Variants in DIAPH3 observed in about 807,000 individuals in gnomAD.
The protein encoded by DIAPH3 is protein diaphanous homolog 3.
Under a neutral mutation model 144.3 loss-of-function variants are expected in DIAPH3, and 117 were observed. The observed-to-expected ratio is 0.81, with a 90% confidence interval of 0.70 to 0.95. DIAPH3 has a LOEUF of 0.95. Ranked by LOEUF, DIAPH3 falls within the 40% of genes least tolerant of loss-of-function variation. The pLI is 0.00. For synonymous variants in DIAPH3, 519 were observed against 488.9 expected, an observed-to-expected ratio of 1.06 and a Z score of -0.81; for missense variants, 1,421 against 1,412.7, an observed-to-expected ratio of 1.01 and a Z score of -0.09.
intron 4 of DIAPH3, among the ~76,000 whole-genome samples, chr13:60,090,194 C>T (rs1164377771): frequency 2.6e-5 from 4 of 152,116 alleles, no homozygotes; most frequent in East Asian, 3.8e-4. Context: ...ACCTGGATCA[C>T]GTTCCCATGC....
Position 59,891,262 on chromosome 13 carries a change from C to A in DIAPH3, c.2368-11794G>T, listed in dbSNP as rs139433059. On this transcript the variant is annotated intron_variant, in intron 20 of 27. Coordinates refer to ENST00000400324, the MANE Select transcript of DIAPH3 (RefSeq NM_001042517.2). ...CCTTTTTGCTTATAACTACAAAATG[C>A]TTTAGGCTGTATTTCAAATGAATGA... 2.3e-3 allele frequency among the ~76,000 whole-genome samples: 355 copies of A among 152,036 alleles called. 5 individuals are homozygous for A. Among genetic ancestry groups the A allele is most frequent in the Non-Finnish European group, 3.5e-3 (241 of 67,932 alleles).
intron 27 of DIAPH3, among the ~76,000 whole-genome samples, chr13:59,763,268 A>G (rs1779273520): frequency 6.7e-6 from 1 of 150,086 alleles, no homozygotes; most frequent in Non-Finnish European, 1.5e-5. Flanking sequence ...ATACATATGT[A>G]CACATATATA....
At chr13:59,729,205 G>A (rs764456067) in intron 27 of DIAPH3, among the ~76,000 whole-genome samples, 22 of 152,142 alleles carry the variant, frequency 1.4e-4, no homozygotes, top group South Asian at 2.1e-4. Context: ...AAACCACAGA[G>A]CCAGCACTCA....
At position 59,874,545 on chromosome 13, in the gene DIAPH3, T is replaced by TA. The variant is rs376618175; in HGVS notation, c.2607+4683dup. 3.4e-3 allele frequency among the ~76,000 whole-genome samples: 520 copies of TA among 152,298 alleles called. 3 individuals are homozygous for TA. The highest frequency in any genetic ancestry group is 0.012 in the African/African-American group (488 of 41,564). The stretch of plus-strand genomic sequence containing the variant: ...GCCACCCCCTCACCGTCTTAGCACC[T>TA]ACTCCTCAACGCCCATAGCCCCATT... On this transcript the variant is annotated intron_variant, in intron 21 of 27. Coordinates refer to ENST00000400324, the MANE Select transcript of DIAPH3 (RefSeq NM_001042517.2).
intron 27 of DIAPH3, among the ~76,000 whole-genome samples, chr13:59,704,452 G>T (rs1593619705): frequency 6.6e-6 from 1 of 152,184 alleles, no homozygotes; most frequent in African/African-American, 2.4e-5. Flanking sequence ...ATGTTGATCT[G>T]CCACCCTCAT....
chr13:59,842,312 C>T (rs2042394135), intron 22 of DIAPH3, among the ~76,000 whole-genome samples: 1 of 152,038 alleles, frequency 6.6e-6, no homozygotes, highest in African/African-American at 2.4e-5. Context: ...TTTTATTATG[C>T]ACACATGTCA....
intron 9 of DIAPH3, among the ~76,000 whole-genome samples, chr13:60,004,460 T>C (rs1362738466): frequency 6.6e-6 from 1 of 152,214 alleles, no homozygotes. Flanking sequence ...GTTAGCACTA[T>C]AGAAAATGGT....
At chr13:59,807,218 C>T (rs200553715) in intron 25 of DIAPH3, among the ~76,000 whole-genome samples, 4 of 6,322 alleles carry the variant, frequency 6.3e-4, no homozygotes, top group Admixed American at 7.2e-3. Context: ...AAACTAAGGA[C>T]CATCATCATC....
At chr13:59,792,949 T>C (rs1476424400) in intron 25 of DIAPH3, among the ~76,000 whole-genome samples, 2 of 152,194 alleles carry the variant, frequency 1.3e-5, no homozygotes, top group Non-Finnish European at 2.9e-5. Flanking sequence ...TTCTTAATGC[T>C]ATTCAGCACT....
At chr13:59,761,283 C>G (rs1429815448) in intron 27 of DIAPH3, among the ~76,000 whole-genome samples, 1 of 152,150 alleles carries the variant, frequency 6.6e-6, no homozygotes, top group East Asian at 1.9e-4. Context: ...AAAGTCACTT[C>G]TTTATAAAAA....
chr13:60,124,234 A>C (rs1422763688), intron 2 of DIAPH3, among the ~76,000 whole-genome samples: 1 of 152,188 alleles, frequency 6.6e-6, no homozygotes, highest in East Asian at 1.9e-4. Flanking sequence ...ACCTACATCC[A>C]CAGCAGGTGA....
intron 27 of DIAPH3, among the ~76,000 whole-genome samples, chr13:59,723,288 A>T (rs758555370): frequency 1.3e-5 from 2 of 152,174 alleles, no homozygotes; most frequent in Non-Finnish European, 2.9e-5. Context: ...AGAGTCAGTG[A>T]GACCCTATTT....
At chr13:60,055,712 C>A (rs11842285) in intron 4 of DIAPH3, among the ~76,000 whole-genome samples, 2,856 of 151,808 alleles carry the variant, frequency 0.019, 83 homozygotes, top group African/African-American at 0.064. Context: ...CAGTATATTA[C>A]CTTATGTTTA....
At chr13:60,003,899 G>A (rs1028769234) in intron 9 of DIAPH3, among the ~76,000 whole-genome samples, 1 of 151,992 alleles carries the variant, frequency 6.6e-6, no homozygotes, top group African/African-American at 2.4e-5. Context: ...ATTCTTCAAG[G>A]CCTGAGAATA....
Position 60,163,437 on chromosome 13 carries a change from A to G in DIAPH3, c.180+150T>C, listed in dbSNP as rs1279309217. 24 of 1,138,034 alleles carry G rather than the reference A, an allele frequency of 2.1e-5. No individual in the cohort carries two copies. The Middle Eastern group carries it at 1.2e-3, about 56-fold the overall frequency. 70.5% of individuals were successfully genotyped at this position (1,138,034 alleles called of 1,614,324 possible). ...GCATTTGTCACAGGATCCAACTACA[A>G]CTAGACCCGGTCGTTGTCAATCTAT... On this transcript the variant is annotated intron_variant, in intron 1 of 27. Coordinates refer to ENST00000400324, the MANE Select transcript of DIAPH3 (RefSeq NM_001042517.2).
intron 21 of DIAPH3, among the ~76,000 whole-genome samples, chr13:59,872,345 T>A (rs1206450083): frequency 6.6e-6 from 1 of 152,140 alleles, no homozygotes; most frequent in Non-Finnish European, 1.5e-5. Context: ...TTTAAAAAAA[T>A]ACAGAAACTT....
chr13:59,922,202 G>T (rs2047552971), intron 18 of DIAPH3, among the ~76,000 whole-genome samples: 1 of 151,900 alleles, frequency 6.6e-6, no homozygotes, highest in Non-Finnish European at 1.5e-5. Context: ...TGAAGTCCTA[G>T]CCAGGGCAAT....
intron 4 of DIAPH3, among the ~76,000 whole-genome samples, chr13:60,059,151 A>G (rs1191586218): frequency 6.6e-6 from 1 of 151,876 alleles, no homozygotes; most frequent in Non-Finnish European, 1.5e-5. Context: ...AAAAAATACA[A>G]TGTTTTAAAA....
chr13:59,913,314 A>T (rs955290135), intron 19 of DIAPH3, among the ~76,000 whole-genome samples: 1 of 152,124 alleles, frequency 6.6e-6, no homozygotes, highest in Non-Finnish European at 1.5e-5. Flanking sequence ...CTCTCCCCTT[A>T]CAAATTCCCC....
Sources: gnomAD v4.1 joint callset for allele counts (sites outside exome capture counted in the v4.1 genomes callset) on GRCh38, gnomAD v4.1.1 for gene constraint, MANE v1.5 for transcripts, NCBI Gene and HGNC (gene_info 2026-07-23, HGNC 2026-07-21) for gene names.